Variants in RAP1GDS1 observed in about 807,000 individuals in gnomAD.
The protein encoded by RAP1GDS1 is RAP1, GTP-GDP dissociation stimulator 1.
A neutral mutation model predicts 71.1 loss-of-function variants in RAP1GDS1; 35 were observed. That is an observed-to-expected ratio of 0.49 (90% CI 0.38 to 0.65). The LOEUF (loss-of-function observed/expected upper bound fraction) is 0.65, where lower values mean the gene tolerates loss of function less well. Ranked by LOEUF, RAP1GDS1 falls within the 30% of genes least tolerant of loss-of-function variation. RAP1GDS1 has a pLI of 0.00. For synonymous variants in RAP1GDS1, 229 were observed against 243.1 expected, an observed-to-expected ratio of 0.94 and a Z score of 0.54; for missense variants, 663 against 706.1, an observed-to-expected ratio of 0.94 and a Z score of 0.69.
intron 7 of RAP1GDS1, among the ~76,000 whole-genome samples, chr4:98,410,070 A>C (rs1023732860): frequency 6.6e-6 from 1 of 152,154 alleles, no homozygotes; most frequent in Non-Finnish European, 1.5e-5. Context: ...GGAGTTCGAG[A>C]CCAGCCTGAG....
At chr4:98,284,309 G>A (rs1725655517) in intron 1 of RAP1GDS1, among the ~76,000 whole-genome samples, 1 of 151,866 alleles carries the variant, frequency 6.6e-6, no homozygotes, top group South Asian at 2.1e-4. Flanking sequence ...TGAGGTTTAG[G>A]GTACAAATGA....
intron 4 of RAP1GDS1, among the ~76,000 whole-genome samples, chr4:98,369,844 A>G (rs1001402483): frequency 6.6e-6 from 1 of 152,208 alleles, no homozygotes; most frequent in Non-Finnish European, 1.5e-5. Flanking sequence ...TATTTTACCT[A>G]CATTTTTCCT....
intron 2 of RAP1GDS1, among the ~76,000 whole-genome samples, chr4:98,299,836 G>A (rs897174827): frequency 6.6e-6 from 1 of 151,756 alleles, no homozygotes; most frequent in African/African-American, 2.4e-5. Flanking sequence ...GGCCAGGTTG[G>A]TCTCGAACTC....
intron 13 of RAP1GDS1, 97 bp downstream of exon 13, chr4:98,434,159 A>G: frequency 1.4e-6 from 2 of 1,439,102 alleles, no homozygotes; most frequent in Non-Finnish European, 1.9e-6. Context: ...CCTTGACTGG[A>G]AGCATTTTGC....
intron 2 of RAP1GDS1, among the ~76,000 whole-genome samples, chr4:98,332,854 G>T (rs1443239633): frequency 6.6e-6 from 1 of 152,100 alleles, no homozygotes; most frequent in African/African-American, 2.4e-5. Flanking sequence ...TCAATCTTTA[G>T]AAAGACTTGT....
At chr4:98,296,009 A>G (rs1476333855) in intron 2 of RAP1GDS1, among the ~76,000 whole-genome samples, 2 of 148,354 alleles carry the variant, frequency 1.3e-5, no homozygotes, top group Non-Finnish European at 3.0e-5. Context: ...TTAACTTAGA[A>G]GAATCTGTAC....
chr4:98,390,654 T>G (rs952759000), intron 5 of RAP1GDS1, among the ~76,000 whole-genome samples: 5 of 152,100 alleles, frequency 3.3e-5, no homozygotes, highest in Non-Finnish European at 7.4e-5. Context: ...CAGGCAATAA[T>G]GAACTGGCAT....
chr4:98,341,955 T>G (rs1237015006), intron 2 of RAP1GDS1, among the ~76,000 whole-genome samples: 1 of 152,140 alleles, frequency 6.6e-6, no homozygotes, highest in African/African-American at 2.4e-5. Context: ...AAACCAAAAT[T>G]TCAATCATAA....
At chr4:98,319,523 G>T (rs1040997820) in intron 2 of RAP1GDS1, among the ~76,000 whole-genome samples, 4 of 152,040 alleles carry the variant, frequency 2.6e-5, no homozygotes, top group African/African-American at 9.7e-5. Flanking sequence ...GCTCACACCT[G>T]TAATCCCAGC....
At chr4:98,439,915 A>G (rs562730391) in intron 14 of RAP1GDS1, among the ~76,000 whole-genome samples, 3 of 152,316 alleles carry the variant, frequency 2.0e-5, no homozygotes, top group African/African-American at 7.2e-5. Flanking sequence ...TTGCTGTGCA[A>G]TCATCACCAG....
chr4:98,419,211 A>T (rs1031185439), intron 10 of RAP1GDS1, among the ~76,000 whole-genome samples: 3 of 150,174 alleles, frequency 2.0e-5, no homozygotes, highest in Admixed American at 6.6e-5. Flanking sequence ...ATGTGCCACC[A>T]TGCCCAGCTG....
At chr4:98,310,073 A>C (rs1184853706) in intron 2 of RAP1GDS1, among the ~76,000 whole-genome samples, 2 of 152,092 alleles carry the variant, frequency 1.3e-5, no homozygotes, top group African/African-American at 4.8e-5. Context: ...TATAACATAA[A>C]TGTTAAATAC....
At chr4:98,343,987 A>G (rs1434759389) in intron 3 of RAP1GDS1, among the ~76,000 whole-genome samples, 1 of 152,088 alleles carries the variant, frequency 6.6e-6, no homozygotes, top group African/African-American at 2.4e-5. Flanking sequence ...TTAGCCTTTT[A>G]TTGTAGTATG....
At position 98,416,643 on chromosome 4, in the gene RAP1GDS1, C is replaced by T. The variant is rs1474666560; in HGVS notation, c.764-102C>T. 3.5e-6 allele frequency: 4 copies of T among 1,156,140 alleles called. 1 individual carries two copies. The Middle Eastern group carries it at 8.9e-4, about 257-fold the overall frequency. 71.6% of individuals were successfully genotyped at this position (1,156,140 alleles called of 1,614,324 possible). On this transcript the variant is annotated intron_variant, in intron 7 of 14. Coordinates refer to ENST00000408927, the MANE Select transcript of RAP1GDS1 (RefSeq NM_001100427.2). ...GGGATTACAGGCGTGAGCCACCGCA[C>T]CTGGCCCTCTTAGTTTCTTATAATT...
At chr4:98,364,398 A>G (rs572416079) in intron 4 of RAP1GDS1, among the ~76,000 whole-genome samples, 1 of 152,320 alleles carries the variant, frequency 6.6e-6, no homozygotes, top group East Asian at 1.9e-4. Context: ...ATCAGAATCA[A>G]CAGCTAAATT....
intron 7 of RAP1GDS1, among the ~76,000 whole-genome samples, chr4:98,406,140 AAG>A (rs1465978726): frequency 6.6e-6 from 1 of 152,048 alleles, no homozygotes; most frequent in Non-Finnish European, 1.5e-5. Context: ...AACAAGAAAA[AAG>A]AGGAAAGAAA....
chr4:98,379,683 A>G (rs1452637463), intron 5 of RAP1GDS1, among the ~76,000 whole-genome samples: 1 of 151,928 alleles, frequency 6.6e-6, no homozygotes, highest in Admixed American at 6.6e-5. Context: ...TCTGTAAAAC[A>G]TTTTTAGACC....
intron 6 of RAP1GDS1, among the ~76,000 whole-genome samples, chr4:98,399,346 G>A (rs1745016477): frequency 6.6e-6 from 1 of 152,146 alleles, no homozygotes; most frequent in African/African-American, 2.4e-5. Context: ...AATATCCAAG[G>A]AACTCAAACA....
At chr4:98,291,667 T>C (rs1040069199) in intron 1 of RAP1GDS1, among the ~76,000 whole-genome samples, 1 of 152,160 alleles carries the variant, frequency 6.6e-6, no homozygotes. Flanking sequence ...CACAATGGGA[T>C]TACTAGTAAT....
Sources: gnomAD v4.1 joint callset for allele counts (sites outside exome capture counted in the v4.1 genomes callset) on GRCh38, gnomAD v4.1.1 for gene constraint, MANE v1.5 for transcripts, NCBI Gene and HGNC (gene_info 2026-07-23, HGNC 2026-07-21) for gene names.